PRIM2: variants seen among roughly 807,000 people sequenced by gnomAD.
The protein encoded by PRIM2 is DNA primase large subunit.
In PRIM2, 39 loss-of-function variants were observed where a neutral mutation model predicts 67.3. The ratio of observed to expected loss-of-function variants is 0.58; its 90% CI spans 0.45 to 0.76. The LOEUF (loss-of-function observed/expected upper bound fraction) is 0.76, where lower values mean the gene tolerates loss of function less well. Ranked by LOEUF, PRIM2 falls within the 30% of genes least tolerant of loss-of-function variation. The probability of loss-of-function intolerance (pLI) is 0.00; values close to 1 mark genes in which losing one functional copy is unlikely to be tolerated. For synonymous variants in PRIM2, 143 were observed against 198.7 expected (o/e 0.72, Z 2.36); for missense variants, 398 against 598.7 (o/e 0.66, Z 3.50).
At chr6:57,493,469 G>A (rs1208886519) in intron 7 of PRIM2, among the ~76,000 whole-genome samples, 3 of 152,154 alleles carry the variant, frequency 2.0e-5, no homozygotes, top group Admixed American at 6.5e-5. Context: ...CACTGTTGAA[G>A]CATCTTAGTA....
the PRIM2 span, among the ~76,000 whole-genome samples, chr6:57,270,365 T>A: frequency 6.6e-6 from 1 of 152,244 alleles, no homozygotes; most frequent in South Asian, 2.1e-4. Context: ...TAAGTTGGAT[T>A]CCTAGGTAAT....
the PRIM2 span, chr6:57,222,339 G>A: frequency 6.6e-6 from 1 of 152,256 alleles, no homozygotes; most frequent in Non-Finnish European, 1.5e-5. Flanking sequence ...TGCTCTGTGC[G>A]GACCCGCGGC....
In PRIM2 at chr6:57,542,939, A is replaced by ATTTTTTTTTTTTTTTTTTTTTTTTT. The variant is rs1193756482; in HGVS notation, c.1020+5333_1020+5334insTTTTTTTTTTTTTTTTTTTTTTTTT. On this transcript the variant is annotated intron_variant, in intron 10 of 13. Coordinates refer to ENST00000615550, the MANE Select transcript of PRIM2 (RefSeq NM_000947.5). ...GTTGGCTTAAAATACTGCTTATAGG[A>ATTTTTTTTTTTTTTTTTTTTTTTTT]TTTTTTTTTTTTTTTTTTTGAGACG... is the stretch of plus-strand genomic sequence containing the variant. 1.0e-3 allele frequency among the ~76,000 whole-genome samples: 72 copies of ATTTTTTTTTTTTTTTTTTTTTTTTT among 71,888 alleles called. 17 individuals carry two copies. Among genetic ancestry groups the ATTTTTTTTTTTTTTTTTTTTTTTTT allele is most frequent in the South Asian group, 1.6e-3 (4 of 2,534 alleles). 47.2% of individuals were successfully genotyped at this position (71,888 alleles called of 152,430 possible).
chr6:57,246,077 A>G, the PRIM2 span, among the ~76,000 whole-genome samples: 2 of 152,134 alleles, frequency 1.3e-5, no homozygotes, highest in African/African-American at 4.8e-5. Flanking sequence ...ATATCTCAAC[A>G]CTGTAAAAAA....
At chr6:57,438,998 G>T (rs1052520634) in intron 7 of PRIM2, among the ~76,000 whole-genome samples, 1 of 152,072 alleles carries the variant, frequency 6.6e-6, no homozygotes, top group East Asian at 1.9e-4. Context: ...GTGGGCCACC[G>T]TGCCTGTTCC....
At chr6:57,435,585 T>C (rs1409366810) in intron 7 of PRIM2, among the ~76,000 whole-genome samples, 1 of 152,222 alleles carries the variant, frequency 6.6e-6, no homozygotes, top group Non-Finnish European at 1.5e-5. Context: ...TAAGATCCTG[T>C]TGAAGGGACT....
intron 7 of PRIM2, among the ~76,000 whole-genome samples, chr6:57,404,170 G>A (rs1404963672): frequency 1.1e-5 from 1 of 94,812 alleles, no homozygotes; most frequent in South Asian, 3.5e-4. Flanking sequence ...AAGGTTGAGC[G>A]GCCTGCAAGA....
At chr6:57,422,115 A>G (rs1758683586) in intron 7 of PRIM2, among the ~76,000 whole-genome samples, 1 of 150,190 alleles carries the variant, frequency 6.7e-6, no homozygotes, top group African/African-American at 2.4e-5. Flanking sequence ...TAATTTATGT[A>G]GTCAAATAGA....
rs11324461 is a variant in PRIM2, at chr6:57,343,756, GA to G, written c.459+17719del. ...TAATAATCAGATGAAGAGTGTTAAA[GA>G]AAAAAAATTATTCATGTCATTTGTT... On this transcript the variant is annotated intron_variant, in intron 5 of 13. Coordinates refer to ENST00000615550, the MANE Select transcript of PRIM2 (RefSeq NM_000947.5). Among the ~76,000 whole-genome samples the G allele has an allele frequency of 9.2e-4, 139 of 151,906 alleles. 1 individual carries two copies. The highest frequency in any genetic ancestry group is 3.1e-3 in the African/African-American group (129 of 41,456).
intron 10 of PRIM2, among the ~76,000 whole-genome samples, chr6:57,541,193 A>G (rs1239098448): frequency 1.3e-5 from 2 of 152,134 alleles, no homozygotes; most frequent in Non-Finnish European, 2.9e-5. Flanking sequence ...GATAATGTAA[A>G]CTTACGGTAT....
chr6:57,575,581 C>T (rs1360392720), intron 10 of PRIM2, among the ~76,000 whole-genome samples: 3 of 152,106 alleles, frequency 2.0e-5, no homozygotes, highest in Non-Finnish European at 4.4e-5. Flanking sequence ...ACTATTCCTA[C>T]ATACTTAAAT....
chr6:57,484,775 G>A (rs1362587114), intron 7 of PRIM2, among the ~76,000 whole-genome samples: 2 of 152,064 alleles, frequency 1.3e-5, no homozygotes, highest in South Asian at 2.1e-4. Context: ...GTTTCCTCAA[G>A]TGTCTCCTTC....
At chr6:57,548,925 TAA>T (rs1243718392) in intron 10 of PRIM2, among the ~76,000 whole-genome samples, 1 of 142,204 alleles carries the variant, frequency 7.0e-6, no homozygotes, top group African/African-American at 2.6e-5. Context: ...CATTAACTAA[TAA>T]AAAAAAAAAA....
chr6:57,266,413 CTAAAAA>C, the PRIM2 span, among the ~76,000 whole-genome samples: 1 of 152,146 alleles, frequency 6.6e-6, no homozygotes, highest in Non-Finnish European at 1.5e-5. Flanking sequence ...AATGTCAACT[CTAAAAA>C]TATCAGAGTT....
At chr6:57,271,024 G>A in the PRIM2 span, among the ~76,000 whole-genome samples, 2 of 152,066 alleles carry the variant, frequency 1.3e-5, no homozygotes, top group East Asian at 3.8e-4. Flanking sequence ...GCTGGATTTG[G>A]TTTGCCAGTA....
chr6:57,642,684 G>C (rs1178350409), intron 13 of PRIM2, among the ~76,000 whole-genome samples: 1 of 151,834 alleles, frequency 6.6e-6, no homozygotes, highest in African/African-American at 2.4e-5. Context: ...CTCGTGATCC[G>C]CCCGTCTCGG....
intron 7 of PRIM2, among the ~76,000 whole-genome samples, chr6:57,448,761 A>C (rs1365175753): frequency 6.6e-6 from 1 of 152,178 alleles, no homozygotes; most frequent in East Asian, 1.9e-4. Flanking sequence ...TAACCATTAC[A>C]CTCGGTCAGC....
chr6:57,517,092 T>G (rs1370310678), intron 8 of PRIM2, among the ~76,000 whole-genome samples: 18 of 152,204 alleles, frequency 1.2e-4, no homozygotes, highest in Non-Finnish European at 2.4e-4. Flanking sequence ...ATGTATGCAG[T>G]AAGTCAGGAA....
chr6:57,565,606 G>A (rs1199629665), intron 10 of PRIM2, among the ~76,000 whole-genome samples: 3 of 152,160 alleles, frequency 2.0e-5, no homozygotes, highest in South Asian at 4.1e-4. Flanking sequence ...ATCAAATTGG[G>A]TGCTGCCCTC....
Sources: gnomAD v4.1 joint callset for allele counts (sites outside exome capture counted in the v4.1 genomes callset) on GRCh38, gnomAD v4.1.1 for gene constraint, MANE v1.5 for transcripts, NCBI Gene and HGNC (gene_info 2026-07-23, HGNC 2026-07-21) for gene names.